The following DYNC2H1 variants were observed in gnomAD, a reference collection of about 807,000 sequenced individuals.
DYNC2H1 encodes the protein dynein cytoplasmic 2 heavy chain 1.
DYNC2H1 carries 410 observed loss-of-function variants against 570.0 expected under a neutral mutation model. The ratio of observed to expected loss-of-function variants is 0.72; its 90% CI spans 0.66 to 0.78. The LOEUF (loss-of-function observed/expected upper bound fraction) is 0.78. DYNC2H1 is among the 30% of genes least tolerant of loss of function. The probability of loss-of-function intolerance (pLI) is 0.00; values close to 1 mark genes in which losing one functional copy is unlikely to be tolerated. For synonymous variants in DYNC2H1, 1,688 were observed against 1,677.6 expected, an observed-to-expected ratio of 1.01 and a Z score of -0.15; for missense variants, 4,865 against 5,046.4, an observed-to-expected ratio of 0.96 and a Z score of 1.09.
intron 70 of DYNC2H1, among the ~76,000 whole-genome samples, chr11:103,272,408 C>T (rs1244782335): frequency 1.3e-5 from 2 of 151,950 alleles, no homozygotes; most frequent in Non-Finnish European, 1.5e-5. Flanking sequence ...GAACATCACA[C>T]ACCAGGGCCT....
Position 103,152,153 on chromosome 11 carries a change from A to G in DYNC2H1, c.2964A>G (p.Gln988=). Residue 988 remains glutamine, a synonymous_variant, in exon 21 of 89, where the codon CAA becomes CAG. Transcript: ENST00000375735. ...ACCTTTAGATTTTGCCCTTATTTCAAGAAGCTGAAGACAAAAACAGACTTT... is the reference window on the plus strand; with the variant it reads ...ACCTTTAGATTTTGCCCTTATTTCAGGAAGCTGAAGACAAAAACAGACTTT... ...ERKPEILPLF[Q]EAEDKNRLLR... 2 of 1,602,938 alleles carry G rather than the reference A, an allele frequency of 1.2e-6. No individual in the cohort carries two copies. The highest frequency in any genetic ancestry group is 1.7e-6 in the Non-Finnish European group (2 of 1,176,198).
At chr11:103,475,781 C>CA (rs1188676154) in intron 88 of DYNC2H1, among the ~76,000 whole-genome samples, 6 of 152,064 alleles carry the variant, frequency 3.9e-5, no homozygotes, top group Admixed American at 3.9e-4. Context: ...AGTGAATATG[C>CA]AAAAAATCAG....
rs1027895187 is a variant in DYNC2H1 at position 103,324,729 on chromosome 11, A to G, written c.12039+739A>G. Among the ~76,000 whole-genome samples the G allele has an allele frequency of 6.6e-6, 1 of 152,176 alleles. No homozygotes were observed. Among genetic ancestry groups the G allele is most frequent in the Non-Finnish European group, 1.5e-5 (1 of 68,026 alleles). Reference sequence around the variant, plus strand: ...TTATATTCCTTTGAGTATATACCCAATAATGGGATTTCTGGGTCAAATGGT... The same window carrying G: ...TTATATTCCTTTGAGTATATACCCAGTAATGGGATTTCTGGGTCAAATGGT... On this transcript the variant is annotated intron_variant, in intron 82 of 88. Coordinates refer to ENST00000375735, the MANE Select transcript of DYNC2H1 (RefSeq NM_001377.3). This position sits in a 1 kb window ranked among gnomAD's most constrained non-coding sequence, Gnocchi z 5.2.
At chr11:103,174,294 A>G in intron 36 of DYNC2H1, 124 bp downstream of exon 36, 1 of 613,260 alleles carries the variant, frequency 1.6e-6, no homozygotes. Context: ...ACCCTGCCCC[A>G]ATTTCTACTG....
Position 103,295,255 on chromosome 11 carries a change from A to G in DYNC2H1, c.11095+7650A>G, listed in dbSNP as rs765573694. Among the ~76,000 whole-genome samples the G allele has an allele frequency of 1.5e-3, 226 of 152,188 alleles. 2 individuals are homozygous for G. The highest frequency in any genetic ancestry group is 4.4e-4 in the Non-Finnish European group (30 of 68,034). ...TCCCTCTGGCCCCGGGCTGCTGTAT[A>G]TGCTCCTTCCATGGGCACTGGTAGA... On this transcript the variant is annotated intron_variant, in intron 75 of 88. Coordinates refer to ENST00000375735, the MANE Select transcript of DYNC2H1 (RefSeq NM_001377.3).
intron 65 of DYNC2H1, among the ~76,000 whole-genome samples, chr11:103,248,547 T>G (rs188716005): frequency 6.6e-6 from 1 of 152,226 alleles, no homozygotes; most frequent in East Asian, 1.9e-4. Context: ...TTCATTGTTA[T>G]GTCAGGTACT....
At chr11:103,321,958 G>A (rs976596366) in intron 81 of DYNC2H1, among the ~76,000 whole-genome samples, 5 of 151,864 alleles carry the variant, frequency 3.3e-5, no homozygotes, top group African/African-American at 1.2e-4. Flanking sequence ...GTTTTGTGCT[G>A]TTTCCTTTCA....
At chr11:103,165,852 T>C in intron 30 of DYNC2H1, 46 bp from the exon 31 acceptor site, 1 of 1,378,532 alleles carries the variant, frequency 7.3e-7, no homozygotes, top group African/African-American at 1.5e-5. Flanking sequence ...AAAATATTTC[T>C]AAGTAAATTC....
At position 103,133,489 on chromosome 11, in the gene DYNC2H1, A is replaced by G. The variant is rs1859378151; in HGVS notation, c.1954-66A>G. On this transcript the variant is annotated intron_variant, in intron 13 of 88. Coordinates refer to ENST00000375735, the MANE Select transcript of DYNC2H1 (RefSeq NM_001377.3). This position sits in a 1 kb window ranked among gnomAD's most constrained non-coding sequence, Gnocchi z 4.8. ...TTGGGGATAGTTGAACTTTTGATAT[A>G]GAATATTGAAACTTTTGGAAAAAAG... 2 of 1,463,314 alleles carry G rather than the reference A, an allele frequency of 1.4e-6. No homozygotes were observed. 90.6% of individuals were successfully genotyped at this position (1,463,314 alleles called of 1,614,324 possible).
chr11:103,190,156 T>C (rs1341406115), intron 45 of DYNC2H1, among the ~76,000 whole-genome samples: 1 of 152,218 alleles, frequency 6.6e-6, no homozygotes, highest in Non-Finnish European at 1.5e-5. Context: ...TCTTCCAGGC[T>C]TCAAACCTGC....
chr11:103,272,627 T>G (rs951806471), intron 70 of DYNC2H1, among the ~76,000 whole-genome samples: 1 of 152,208 alleles, frequency 6.6e-6, no homozygotes, highest in Non-Finnish European at 1.5e-5. Flanking sequence ...TGCTTGATGC[T>G]GAAGTTATCT....
Position 103,158,899 on chromosome 11 carries a change from A to C in DYNC2H1, c.4261-11A>C, listed in dbSNP as rs1177618109. 16 of 1,590,110 alleles carry C rather than the reference A, an allele frequency of 1.0e-5. No individual in the cohort carries two copies. Among genetic ancestry groups the C allele is most frequent in the Middle Eastern group, 1.7e-4 (1 of 6,042 alleles). The stretch of plus-strand genomic sequence containing the variant: ...AAAAAGAAAGCTATTTTTTGTTTCT[A>C]TTTTTATTAGGAAAAACGCTCAGCA... On this transcript the variant is annotated splice_polypyrimidine_tract_variant and intron_variant, in intron 27 of 88. Coordinates refer to ENST00000375735, the MANE Select transcript of DYNC2H1 (RefSeq NM_001377.3).
chr11:103,474,850 C>G (rs1392453841), intron 88 of DYNC2H1, among the ~76,000 whole-genome samples: 1 of 152,062 alleles, frequency 6.6e-6, no homozygotes, highest in Non-Finnish European at 1.5e-5. Flanking sequence ...AATGTATTCC[C>G]CATGAATAAG....
chr11:103,157,583 A>T lies in DYNC2H1; in HGVS notation c.4127+813A>T, dbSNP rs1860893611. 6.6e-6 allele frequency among the ~76,000 whole-genome samples: 1 copy of T among 152,234 alleles called. No homozygotes were observed. Among genetic ancestry groups the T allele is most frequent in the Non-Finnish European group, 1.5e-5 (1 of 68,034 alleles). On this transcript the variant is annotated intron_variant, in intron 26 of 88. Coordinates refer to ENST00000375735, the MANE Select transcript of DYNC2H1 (RefSeq NM_001377.3). The surrounding 1 kb of genome is among the most constrained non-coding windows in gnomAD (Gnocchi z 4.2). ...AAATTTTGTTGATTCTAACCTGCTT[A>T]GTATATCTTGAGCCAAATACCTGTA...
At chr11:103,144,565 G>A (rs1476492147) in intron 18 of DYNC2H1, among the ~76,000 whole-genome samples, 1 of 152,124 alleles carries the variant, frequency 6.6e-6, no homozygotes, top group Non-Finnish European at 1.5e-5. Flanking sequence ...GGAATTGTGT[G>A]CTGAAAATAT....
intron 84 of DYNC2H1, among the ~76,000 whole-genome samples, chr11:103,431,616 T>A (rs1943897877): frequency 6.6e-6 from 1 of 152,186 alleles, no homozygotes; most frequent in Non-Finnish European, 1.5e-5. Flanking sequence ...TTAATCAAAA[T>A]AGGAACCATT....
intron 84 of DYNC2H1, among the ~76,000 whole-genome samples, chr11:103,411,708 C>CT (rs1464066380): frequency 1.3e-5 from 2 of 151,564 alleles, no homozygotes; most frequent in East Asian, 3.9e-4. Context: ...TATATTTTTT[C>CT]TTTCTTTCAA....
At chr11:103,154,050 T>C (rs1262679970) in intron 22 of DYNC2H1, among the ~76,000 whole-genome samples, 1 of 151,914 alleles carries the variant, frequency 6.6e-6, no homozygotes. Flanking sequence ...AAGGATATCT[T>C]ATACTCTAGA....
intron 88 of DYNC2H1, among the ~76,000 whole-genome samples, chr11:103,473,560 T>C (rs1331271599): frequency 3.3e-5 from 5 of 152,200 alleles, no homozygotes; most frequent in Non-Finnish European, 7.3e-5. Flanking sequence ...CAATATTCCC[T>C]CCCTTGGAAA....
Sources: allele counts gnomAD v4.1 joint callset (sites outside exome capture counted in the v4.1 genomes callset), GRCh38; gene constraint gnomAD v4.1.1; non-coding constraint Gnocchi (gnomAD v3.1); transcripts MANE v1.5; gene names NCBI Gene and HGNC (gene_info 2026-07-23, HGNC 2026-07-21).